The following ANKRD30B variants were observed in gnomAD, a reference collection of about 807,000 sequenced individuals.
ANKRD30B encodes ankyrin repeat domain 30B, also known as ankyrin repeat domain-containing protein 30B.
In ANKRD30B, 144 loss-of-function variants were observed where a neutral mutation model predicts 202.2. The ratio of observed to expected loss-of-function variants is 0.71; its 90% CI spans 0.62 to 0.82. ANKRD30B has a LOEUF of 0.82. Ranked by LOEUF, ANKRD30B falls within the 40% of genes least tolerant of loss-of-function variation. The pLI is 0.00. For synonymous variants in ANKRD30B, 508 were observed against 561.3 expected, an observed-to-expected ratio of 0.91 and a Z score of 1.34; for missense variants, 1,487 against 1,669.1, an observed-to-expected ratio of 0.89 and a Z score of 1.90.
chr18:14,787,428 T>C (rs906622492), intron 15 of ANKRD30B, among the ~76,000 whole-genome samples: 6 of 152,178 alleles, frequency 3.9e-5, no homozygotes, highest in African/African-American at 1.4e-4. Context: ...TATGGGCAAA[T>C]ACATGATTCT....
downstream of ANKRD30B, among the ~76,000 whole-genome samples, chr18:14,858,695 C>T (rs563838080): frequency 5.3e-4 from 77 of 144,300 alleles, no homozygotes; most frequent in Non-Finnish European, 7.5e-4. Flanking sequence ...GATGGGTGGC[C>T]GGGCAGAGGC....
intron 8 of ANKRD30B, among the ~76,000 whole-genome samples, chr18:14,769,629 G>C (rs1211386337): frequency 6.6e-6 from 1 of 152,180 alleles, no homozygotes; most frequent in Non-Finnish European, 1.5e-5. Context: ...GCTGACCCTT[G>C]AGTTTGCCAT....
the ANKRD30B span, among the ~76,000 whole-genome samples, chr18:14,876,210 T>C: frequency 5.3e-5 from 8 of 152,050 alleles, no homozygotes; most frequent in Non-Finnish European, 8.8e-5. Flanking sequence ...TGGGTCACCT[T>C]CCCAGCTTTG....
chr18:14,890,862 C>A, the ANKRD30B span, among the ~76,000 whole-genome samples: 1 of 151,748 alleles, frequency 6.6e-6, no homozygotes, highest in East Asian at 1.9e-4. Flanking sequence ...TAACTTTATA[C>A]CTTTGTAATT....
chr18:14,854,913 TTTA>T (rs1236489969), downstream of ANKRD30B, among the ~76,000 whole-genome samples: 8 of 151,936 alleles, frequency 5.3e-5, no homozygotes, highest in African/African-American at 9.7e-5. Flanking sequence ...CTATGCTTTT[TTTA>T]TTATTATTTA....
chr18:14,773,466 C>A (rs986564416), intron 9 of ANKRD30B, among the ~76,000 whole-genome samples: 2 of 152,022 alleles, frequency 1.3e-5, no homozygotes, highest in African/African-American at 4.8e-5. Flanking sequence ...ATAATTAAAT[C>A]TAATGCATTT....
chr18:14,791,167 G>T (rs1426046214), intron 15 of ANKRD30B, among the ~76,000 whole-genome samples: 2 of 152,108 alleles, frequency 1.3e-5, no homozygotes, highest in African/African-American at 4.8e-5. Flanking sequence ...AGATTTTCTA[G>T]TTTATTTGTG....
intron 9 of ANKRD30B, among the ~76,000 whole-genome samples, chr18:14,774,054 T>C (rs1212057556): frequency 1.3e-5 from 2 of 152,220 alleles, no homozygotes; most frequent in Non-Finnish European, 2.9e-5. Context: ...GAACATTCCA[T>C]TTTAAATTTT....
chr18:14,867,859 C>T, the ANKRD30B span, among the ~76,000 whole-genome samples: 2 of 152,322 alleles, frequency 1.3e-5, no homozygotes, highest in African/African-American at 4.8e-5. Context: ...GCCAGCATGA[C>T]AAGGTGAGGC....
At chr18:14,807,981 A>G (rs372592820) in intron 24 of ANKRD30B, among the ~76,000 whole-genome samples, 1 of 151,146 alleles carries the variant, frequency 6.6e-6, no homozygotes, top group East Asian at 1.9e-4. Context: ...CTTTTATTCT[A>G]TAAGTAGATA....
rs144454537 is a variant in ANKRD30B, at chr18:14,795,878, C to T, written c.1826-343C>T. ...ATTTTTTTTTTTTTTGGCGGTGGGT[C>T]ATGACTTGGTCATCTTAGTAAATTC... is the stretch of plus-strand genomic sequence containing the variant. On this transcript the variant is annotated intron_variant, in intron 16 of 43. Coordinates refer to ENST00000690538, the MANE Select transcript of ANKRD30B (RefSeq NM_001367607.2). Among the ~76,000 whole-genome samples the T allele has an allele frequency of 1.7e-3, 250 of 149,806 alleles. 2 individuals carry two copies. Among genetic ancestry groups the T allele is most frequent in the African/African-American group, 5.9e-3 (239 of 40,662 alleles).
At chr18:14,938,640 T>A in the ANKRD30B span, among the ~76,000 whole-genome samples, 1 of 152,160 alleles carries the variant, frequency 6.6e-6, no homozygotes, top group African/African-American at 2.4e-5. Context: ...ACTTGGGGGA[T>A]CTCTTCTTGA....
the ANKRD30B span, among the ~76,000 whole-genome samples, chr18:14,925,050 C>T: frequency 1.3e-5 from 2 of 152,196 alleles, no homozygotes; most frequent in Admixed American, 6.5e-5. Context: ...TGGTATGTAG[C>T]CCATGCAGTG....
chr18:14,920,775 T>G, the ANKRD30B span, among the ~76,000 whole-genome samples: 1 of 152,244 alleles, frequency 6.6e-6, no homozygotes, highest in Non-Finnish European at 1.5e-5. Flanking sequence ...CCATGGGAAC[T>G]CCTTCGTCAG....
chr18:14,922,732 G>A, the ANKRD30B span, among the ~76,000 whole-genome samples: 6 of 152,000 alleles, frequency 3.9e-5, no homozygotes, highest in Non-Finnish European at 7.4e-5. Context: ...TTAGTGCTGC[G>A]CTGTGCTCAG....
chr18:14,839,057 C>T (rs1971298711), intron 36 of ANKRD30B, among the ~76,000 whole-genome samples: 1 of 152,172 alleles, frequency 6.6e-6, no homozygotes, highest in Non-Finnish European at 1.5e-5. Flanking sequence ...GAAAGTGAGA[C>T]TTTCCTGATG....
At chr18:14,863,801 A>G in the ANKRD30B span, among the ~76,000 whole-genome samples, 3 of 149,968 alleles carry the variant, frequency 2.0e-5, no homozygotes, top group Admixed American at 2.0e-4. Context: ...TAGCAAGGAA[A>G]CAACAACAAC....
intron 12 of ANKRD30B, among the ~76,000 whole-genome samples, chr18:14,783,426 G>T (rs1373144894): frequency 6.6e-6 from 1 of 152,078 alleles, no homozygotes; most frequent in Non-Finnish European, 1.5e-5. Context: ...TTTTGCTGAT[G>T]TTAGCTATTC....
At chr18:14,844,382 G>T (rs1364676415) in intron 39 of ANKRD30B, among the ~76,000 whole-genome samples, 3 of 152,132 alleles carry the variant, frequency 2.0e-5, no homozygotes, top group Admixed American at 2.0e-4. Context: ...AAGCTATGCT[G>T]TTGTAACACA....
Sources: allele counts gnomAD v4.1 joint callset (sites outside exome capture counted in the v4.1 genomes callset), GRCh38; gene constraint gnomAD v4.1.1; transcripts MANE v1.5; gene names NCBI Gene and HGNC (gene_info 2026-07-23, HGNC 2026-07-21).